Variants in RPL3L observed in about 807,000 individuals in gnomAD.
RPL3L encodes the protein ribosomal protein L3 like.
A neutral mutation model predicts 44.5 loss-of-function variants in RPL3L; 44 were observed. That is an observed-to-expected ratio of 0.99 (90% CI 0.78 to 1.27). The LOEUF (loss-of-function observed/expected upper bound fraction) is 1.27. Ranked by LOEUF, RPL3L falls within the 50% of genes most tolerant of loss-of-function variation. RPL3L has a pLI of 0.00. For missense variants in RPL3L, 631 were observed against 569.1 expected (o/e 1.11, Z -1.11); for synonymous variants, 292 against 230.7 (o/e 1.27, Z -2.41).
intron 3 of RPL3L, 83 bp downstream of exon 3, chr16:1,952,791 T>C: frequency 6.6e-7 from 1 of 1,523,850 alleles, no homozygotes; most frequent in Non-Finnish European, 8.9e-7. Context: ...ACACCTATCA[T>C]TTCAGCAAGA....
intron 7 of RPL3L, 30 bp from the exon 8 acceptor site, chr16:1,945,960 C>A (rs1164396272): frequency 6.4e-7 from 1 of 1,573,996 alleles, no homozygotes; most frequent in Non-Finnish European, 8.6e-7. Flanking sequence ...GAGGCCAGGC[C>A]CGGAAAGGGC....
chr16:1,945,458 G>A lies in RPL3L; in HGVS notation c.1167+41C>T, dbSNP rs762425759. 3.8e-6 allele frequency: 6 copies of A among 1,583,934 alleles called. No individual in the cohort carries two copies. The South Asian group carries it at 5.7e-5, about 15-fold the overall frequency. ...ACTCGGGCAGGCTGGATGTGGAGCT[G>A]GAGCCCCAGAGAAGAACAAGGATGG... On this transcript the variant is annotated intron_variant, in intron 9 of 9. Transcript: ENST00000268661.
chr16:1,946,200 C>A (rs1331236894), intron 7 of RPL3L, among the ~76,000 whole-genome samples: 1 of 152,246 alleles, frequency 6.6e-6, no homozygotes, highest in Non-Finnish European at 1.5e-5. Context: ...TTGCTCCAGC[C>A]TCTACAGCTG....
Position 1,947,316 on chromosome 16 carries a change from G to A in RPL3L, c.566C>T (p.Thr189Met), listed in dbSNP as rs924125081. ...HIMEIQLNGG[T>M]VAEKVAWAQA... is the part of the protein sequence containing the mutation. Reference sequence around the variant, plus strand: ...GGCCCAGGCCACCTTCTCGGCCACCGTGCCACCGTTCAGCTGGATCTCCAT... The same window carrying A: ...GGCCCAGGCCACCTTCTCGGCCACCATGCCACCGTTCAGCTGGATCTCCAT... The change falls in exon 5 of 10, where the codon ACG becomes ATG. Residue 189 changes from threonine (T) to methionine (M), a missense_variant. Physicochemically the swap from Thr to Met is moderately conservative, Grantham distance 81 (BLOSUM62 -1). Coordinates refer to ENST00000268661, the MANE Select transcript of RPL3L (RefSeq NM_005061.3). The A allele has an allele frequency of 4.5e-5, 72 of 1,600,418 alleles. No homozygotes were observed. The highest frequency in any genetic ancestry group is 2.9e-4 in the Admixed American group (17 of 59,470).
intron 4 of RPL3L, among the ~76,000 whole-genome samples, chr16:1,948,658 C>T (rs2150863017): frequency 6.6e-6 from 1 of 151,704 alleles, no homozygotes; most frequent in East Asian, 1.9e-4. Flanking sequence ...CCTTAGCCTC[C>T]TGAGTAGCTG....
chr16:1,946,391 G>T (rs1266405253), intron 7 of RPL3L, among the ~76,000 whole-genome samples: 2 of 152,254 alleles, frequency 1.3e-5, no homozygotes, highest in Non-Finnish European at 2.9e-5. Flanking sequence ...GTTTTGGACA[G>T]CCAAGGCAAG....
chr16:1,951,529 C>T (rs1319738620), intron 3 of RPL3L, among the ~76,000 whole-genome samples: 3 of 152,044 alleles, frequency 2.0e-5, no homozygotes, highest in Non-Finnish European at 2.9e-5. Flanking sequence ...CACAGGCATG[C>T]GCCACCGTGC....
At chr16:1,954,193 T>G (rs765071857) in intron 1 of RPL3L, 45 bp from the exon 2 acceptor site, 3 of 1,487,234 alleles carry the variant, frequency 2.0e-6, no homozygotes, top group Non-Finnish European at 2.7e-6. Context: ...GTGTCCCTGG[T>G]GGTAGAGCTG....
intron 8 of RPL3L, 99 bp downstream of exon 8, chr16:1,945,736 T>C: frequency 6.2e-7 from 1 of 1,603,682 alleles, no homozygotes; most frequent in South Asian, 1.1e-5. Flanking sequence ...GCCCTCCCCT[T>C]CTGCTCCCAC....
At chr16:1,945,789 G>T in intron 8 of RPL3L, 46 bp downstream of exon 8, 2 of 1,609,978 alleles carry the variant, frequency 1.2e-6, no homozygotes, top group Non-Finnish European at 1.7e-6. Flanking sequence ...AGGACAGGCT[G>T]GCAGCCCTCG....
intron 4 of RPL3L, among the ~76,000 whole-genome samples, chr16:1,949,520 TG>T (rs1393772209): frequency 6.6e-6 from 1 of 150,886 alleles, no homozygotes; most frequent in Non-Finnish European, 1.5e-5. Context: ...CCCAAAGTGC[TG>T]GGGTTACAGG....
chr16:1,948,006 C>T (rs536022518), intron 4 of RPL3L, among the ~76,000 whole-genome samples: 11 of 146,520 alleles, frequency 7.5e-5, no homozygotes, highest in African/African-American at 1.8e-4. Flanking sequence ...GGCATGATCT[C>T]GGCTCACTGC....
Position 1,944,646 on chromosome 16 carries a change from T to G in RPL3L, c.*191A>C, listed in dbSNP as rs2531331. ...CCGGTCTCCCGCACAGCCAGCTCTGTGTGAATTACTCTTTCTCTATTGCAA... is the reference window on the plus strand; with the variant it reads ...CCGGTCTCCCGCACAGCCAGCTCTGGGTGAATTACTCTTTCTCTATTGCAA... On this transcript the variant is annotated 3_prime_UTR_variant, in exon 10 of 10. Transcript: ENST00000268661. 1 of 641,022 alleles carries G rather than the reference T, an allele frequency of 1.6e-6. No homozygotes were observed. The highest frequency in any genetic ancestry group is 2.5e-5 in the Admixed American group (1 of 39,422). The allele number at this position is 641,022 out of a possible 1,614,324, so 39.7% of individuals were successfully genotyped here. A position where few individuals can be genotyped will look rare whatever the true frequency, so the allele number is the denominator to read the frequency against.
chr16:1,952,924 G>T lies in RPL3L; in HGVS notation c.315C>A (p.Ile105=). 6.2e-7 allele frequency: 1 copy of T among 1,614,056 alleles called. No homozygotes were observed. Among genetic ancestry groups the T allele is most frequent in the Non-Finnish European group, 8.5e-7 (1 of 1,180,016 alleles). ...ACTCATCACTGAGGTGTTCTGCAAA[G>T]ATGGTCTTGAAGCTCCGGAGACCTC... ...TPRGLRSFKT[I]FAEHLSDECR... Residue 105 remains isoleucine (I), a synonymous_variant, in exon 3 of 10, where the codon ATC becomes ATA. Transcript: ENST00000268661.
intron 4 of RPL3L, among the ~76,000 whole-genome samples, chr16:1,949,280 T>C (rs2083151779): frequency 7.0e-6 from 1 of 143,290 alleles, no homozygotes; most frequent in Non-Finnish European, 1.5e-5. Context: ...TTTTTTTTTT[T>C]TGAGACTCTA....
rs2083114288 is a variant in RPL3L, at chr16:1,945,529, G to A, written c.1137C>T (p.Phe379=). ...DTTSKFGHGR[F]QTAQEKRAFM... is the part of the protein sequence containing the mutation. ...AGGCCCTCTTCTCTTGGGCTGTCTG[G>A]AAGCGGCCATGGCCGAACTTGGAGG... The change falls in exon 9 of 10, where the codon TTC becomes TTT. Residue 379 remains phenylalanine, a synonymous_variant. Coordinates refer to ENST00000268661, the MANE Select transcript of RPL3L (RefSeq NM_005061.3). 6.2e-7 allele frequency: 1 copy of A among 1,613,496 alleles called. No homozygotes were observed. Among genetic ancestry groups the A allele is most frequent in the Admixed American group, 1.7e-5 (1 of 59,960 alleles).
chr16:1,950,708 A>G (rs1164244150), intron 4 of RPL3L, 136 bp downstream of exon 4: 1 of 1,392,392 alleles, frequency 7.2e-7, no homozygotes, highest in Non-Finnish European at 9.9e-7. Flanking sequence ...GTGGCCAGCG[A>G]GGCTGGTCAG....
At chr16:1,949,637 A>G (rs2083154672) in intron 4 of RPL3L, among the ~76,000 whole-genome samples, 1 of 145,300 alleles carries the variant, frequency 6.9e-6, no homozygotes, top group Non-Finnish European at 1.5e-5. Flanking sequence ...GGAGACAGAG[A>G]GGCCAGCGGG....
At chr16:1,949,545 G>A (rs1422128728) in intron 4 of RPL3L, among the ~76,000 whole-genome samples, 3 of 141,670 alleles carry the variant, frequency 2.1e-5, no homozygotes, top group Admixed American at 7.4e-5. Flanking sequence ...GATCCACCAT[G>A]TCTGGCTTGA....
Sources: allele counts gnomAD v4.1 joint callset (sites outside exome capture counted in the v4.1 genomes callset), GRCh38; gene constraint gnomAD v4.1.1; transcripts MANE v1.5; gene names NCBI Gene and HGNC (gene_info 2026-07-23, HGNC 2026-07-21).